The following CPEB4 variants were observed in gnomAD, a reference collection of about 807,000 sequenced individuals.
CPEB4 encodes cytoplasmic polyadenylation element-binding protein 4.
In CPEB4, 12 loss-of-function variants were observed where a neutral mutation model predicts 72.5. The ratio of observed to expected loss-of-function variants is 0.17; its 90% CI spans 0.11 to 0.27. The LOEUF is 0.27. Among genes scored for constraint, CPEB4 ranks in the 10% least tolerant of loss-of-function variants. The probability of loss-of-function intolerance (pLI) is 1.00; values close to 1 mark genes in which losing one functional copy is unlikely to be tolerated. For missense variants in CPEB4, 614 were observed against 908.5 expected (o/e 0.68, Z 4.17); for synonymous variants, 302 against 326.3 (o/e 0.93, Z 0.80).
At position 173,956,147 on chromosome 5, in the gene CPEB4, G is replaced by C. The variant is rs772930744; in HGVS notation, c.*10G>C. ...ATTCCGCTGGAACTAAAGGATAACT[G>C]CAGTGCTCATTTTCAGGCCTCAGAA... On this transcript the variant is annotated 3_prime_UTR_variant, in exon 10 of 10. Transcript: ENST00000265085. 1.2e-6 allele frequency: 2 copies of C among 1,608,686 alleles called. No homozygotes were observed. The highest frequency in any genetic ancestry group is 2.2e-5 in the South Asian group (2 of 90,964).
chr5:173,937,207 T>C lies in CPEB4; in HGVS notation c.1258+4707T>C, dbSNP rs1475147090. Among the ~76,000 whole-genome samples, 7 of 152,128 alleles carry C rather than the reference T, an allele frequency of 4.6e-5. No homozygotes were observed. In the East Asian group the frequency reaches 1.4e-3, roughly 29 times the overall value. On this transcript the variant is annotated intron_variant, in intron 3 of 9. Coordinates refer to ENST00000265085, the MANE Select transcript of CPEB4 (RefSeq NM_030627.4). ...ACAGGCACCTGCCACCATGCCCAGC[T>C]AATTTTTGTATTCTTAGTAGAGATG...
chr5:173,913,492 C>T (rs538219898), intron 2 of CPEB4, among the ~76,000 whole-genome samples: 48 of 152,320 alleles, frequency 3.2e-4, no homozygotes, highest in Non-Finnish European at 5.0e-4. Flanking sequence ...GCCACTGCAC[C>T]TGGCCAGCAC....
intron 1 of CPEB4, among the ~76,000 whole-genome samples, chr5:173,905,281 AT>A (rs981936317): frequency 4.0e-5 from 6 of 151,190 alleles, no homozygotes; most frequent in East Asian, 3.9e-4. Flanking sequence ...TTTTAAGTAG[AT>A]TTTTTTTGAA....
chr5:173,908,650 G>A (rs1756531886), intron 1 of CPEB4, among the ~76,000 whole-genome samples: 1 of 152,088 alleles, frequency 6.6e-6, no homozygotes, highest in Non-Finnish European at 1.5e-5. Context: ...CAAAAGCACA[G>A]AAGAGAAATG....
chr5:173,915,045 T>C (rs1756816419), intron 2 of CPEB4, among the ~76,000 whole-genome samples: 1 of 152,220 alleles, frequency 6.6e-6, no homozygotes, highest in African/African-American at 2.4e-5. Context: ...TATTATTAAC[T>C]TAAATTTTCA....
intron 3 of CPEB4, among the ~76,000 whole-genome samples, chr5:173,942,453 TACTTTTCAACATTTAGGAC>T (rs1757881699): frequency 6.6e-6 from 1 of 152,252 alleles, no homozygotes; most frequent in Non-Finnish European, 1.5e-5. Flanking sequence ...CCAAGCCTTT[TACTTTTCAACATTTAGGAC>T]TTGGTAGAAG....
At position 173,955,975 on chromosome 5, in the gene CPEB4, G is replaced by C; in HGVS notation, c.2028G>C (p.Gly676=). ...ATGAATGTCAGGGGGCCCGTTGTGGGGGGAAATTTGCTCCATTTTTCTGTG... is the reference window on the plus strand; with the variant it reads ...ATGAATGTCAGGGGGCCCGTTGTGGCGGGAAATTTGCTCCATTTTTCTGTG... ...LCDECQGARC[G]GKFAPFFCAN... Residue 676 remains glycine (G), a synonymous_variant, in exon 10 of 10, where the codon GGG becomes GGC. Transcript: ENST00000265085. This position sits in a 1 kb window ranked among gnomAD's most constrained non-coding sequence, Gnocchi z 4.7. The C allele has an allele frequency of 6.2e-7, 1 of 1,614,090 alleles. No individual in the cohort carries two copies. Among genetic ancestry groups the C allele is most frequent in the South Asian group, 1.1e-5 (1 of 91,078 alleles).
intron 1 of CPEB4, among the ~76,000 whole-genome samples, chr5:173,893,556 C>T (rs1374808310): frequency 6.6e-6 from 1 of 151,184 alleles, no homozygotes; most frequent in Admixed American, 6.7e-5. Context: ...CTTTCTTCTG[C>T]AATATTTCTC....
At chr5:173,919,623 G>A (rs540734476) in intron 2 of CPEB4, among the ~76,000 whole-genome samples, 2 of 151,956 alleles carry the variant, frequency 1.3e-5, no homozygotes, top group East Asian at 3.9e-4. Flanking sequence ...TGTTGTCTAT[G>A]AAGGTCTTAA....
At chr5:173,919,222 T>G (rs1326682523) in intron 2 of CPEB4, among the ~76,000 whole-genome samples, 1 of 152,200 alleles carries the variant, frequency 6.6e-6, no homozygotes, top group Non-Finnish European at 1.5e-5. Flanking sequence ...GTACTTTTCT[T>G]TAATGTTTTG....
At chr5:173,931,268 A>G (rs2113235461) in intron 2 of CPEB4, among the ~76,000 whole-genome samples, 1 of 152,362 alleles carries the variant, frequency 6.6e-6, no homozygotes, top group African/African-American at 2.4e-5. Context: ...GGAACTAGCT[A>G]GAGTCCTTGC....
chr5:173,921,711 T>C (rs1380683715), intron 2 of CPEB4, among the ~76,000 whole-genome samples: 1 of 152,224 alleles, frequency 6.6e-6, no homozygotes, highest in African/African-American at 2.4e-5. Context: ...CCACATGGTT[T>C]GGAAGTGTCT....
intron 2 of CPEB4, among the ~76,000 whole-genome samples, chr5:173,921,667 A>C (rs1472001561): frequency 6.6e-6 from 1 of 152,096 alleles, no homozygotes; most frequent in Non-Finnish European, 1.5e-5. Context: ...TCTTGTTAGG[A>C]GGGGGAGGCA....
At chr5:173,942,426 A>G (rs990617796) in intron 3 of CPEB4, among the ~76,000 whole-genome samples, 16 of 152,208 alleles carry the variant, frequency 1.1e-4, no homozygotes, top group African/African-American at 3.4e-4. Context: ...GCTACAACCT[A>G]CTTGGCAATA....
At chr5:173,904,313 G>A (rs1228895467) in intron 1 of CPEB4, among the ~76,000 whole-genome samples, 2 of 152,172 alleles carry the variant, frequency 1.3e-5, no homozygotes, top group African/African-American at 4.8e-5. Context: ...AACCCATAAT[G>A]TTAGCTGCTG....
chr5:173,907,257 C>T (rs543606040), intron 1 of CPEB4, among the ~76,000 whole-genome samples: 1 of 152,242 alleles, frequency 6.6e-6, no homozygotes, highest in South Asian at 2.1e-4. Flanking sequence ...CAGAGCGAGA[C>T]TCCGTCTCAA....
At chr5:173,898,818 A>G (rs527774013) in intron 1 of CPEB4, among the ~76,000 whole-genome samples, 1 of 152,342 alleles carries the variant, frequency 6.6e-6, no homozygotes, top group South Asian at 2.1e-4. Flanking sequence ...CTGGGACTAC[A>G]GGCATGTGCC....
intron 9 of CPEB4, among the ~76,000 whole-genome samples, chr5:173,954,915 C>G (rs566591625): frequency 1.3e-5 from 2 of 152,122 alleles, no homozygotes; most frequent in African/African-American, 4.8e-5. Context: ...TCTTCTTCTC[C>G]TTTTGTACTT....
At chr5:173,945,252 G>C (rs1263425743) in intron 5 of CPEB4, 112 bp downstream of exon 5, 1 of 870,588 alleles carries the variant, frequency 1.1e-6, no homozygotes, top group Non-Finnish European at 1.8e-6. Flanking sequence ...AGCCCTGCTT[G>C]CATTGTTCTC....
Sources: gnomAD v4.1 joint callset for allele counts (sites outside exome capture counted in the v4.1 genomes callset) on GRCh38, gnomAD v4.1.1 for gene constraint, Gnocchi (gnomAD v3.1) non-coding constraint, MANE v1.5 for transcripts, NCBI Gene and HGNC (gene_info 2026-07-23, HGNC 2026-07-21) for gene names.